Variants in TDRD3 observed in about 807,000 individuals in gnomAD.
The protein encoded by TDRD3 is tudor domain-containing protein 3.
Under a neutral mutation model 86.7 loss-of-function variants are expected in TDRD3, and 45 were observed. The observed-to-expected ratio is 0.52, with a 90% CI of 0.41 to 0.67. The LOEUF (loss-of-function observed/expected upper bound fraction) is 0.67. Ranked by LOEUF, TDRD3 falls within the 30% of genes least tolerant of loss-of-function variation. The pLI is 0.00. For synonymous variants in TDRD3, 298 were observed against 301.7 expected, an observed-to-expected ratio of 0.99 and a Z score of 0.13; for missense variants, 814 against 889.0, an observed-to-expected ratio of 0.92 and a Z score of 1.07.
intron 11 of TDRD3, among the ~76,000 whole-genome samples, chr13:60,530,560 C>T (rs1480611695): frequency 6.6e-6 from 1 of 151,898 alleles, no homozygotes; most frequent in African/African-American, 2.4e-5. Context: ...CCTGCCTCAG[C>T]CTCCTGAGTA....
At chr13:60,530,822 G>A (rs527398329) in intron 11 of TDRD3, among the ~76,000 whole-genome samples, 44 of 152,202 alleles carry the variant, frequency 2.9e-4, no homozygotes, top group African/African-American at 1.0e-3. Flanking sequence ...TGTGGCTAAA[G>A]GGAATGGTGT....
chr13:60,410,192 C>T (rs1315232985), intron 1 of TDRD3, among the ~76,000 whole-genome samples: 2 of 152,074 alleles, frequency 1.3e-5, no homozygotes, highest in Admixed American at 6.5e-5. Context: ...TCTTTTTCTT[C>T]CTAGTCTTGG....
At chr13:60,493,375 A>G (rs1595016479) in intron 7 of TDRD3, among the ~76,000 whole-genome samples, 1 of 152,102 alleles carries the variant, frequency 6.6e-6, no homozygotes, top group Admixed American at 6.5e-5. Flanking sequence ...AACTATAAAA[A>G]TATTTGCCAG....
chr13:60,410,388 A>G (rs941521187), intron 1 of TDRD3, among the ~76,000 whole-genome samples: 8 of 152,222 alleles, frequency 5.3e-5, no homozygotes, highest in African/African-American at 1.9e-4. Context: ...TCTGCTAAAC[A>G]GAGTTTACTC....
intron 1 of TDRD3, among the ~76,000 whole-genome samples, chr13:60,425,619 G>A (rs1056149145): frequency 6.6e-6 from 1 of 152,002 alleles, no homozygotes; most frequent in Non-Finnish European, 1.5e-5. Context: ...AATGTCCATC[G>A]ATGGAAAAAT....
intron 6 of TDRD3, among the ~76,000 whole-genome samples, chr13:60,485,266 C>CA (rs1332372094): frequency 4.7e-5 from 7 of 150,380 alleles, no homozygotes; most frequent in Non-Finnish European, 3.0e-5. Context: ...GCAGTGATGC[C>CA]TTTTTTTTTA....
intron 12 of TDRD3, chr13:60,547,199 A>T (rs968187943): frequency 1.0e-6 from 1 of 978,404 alleles, no homozygotes; most frequent in South Asian, 4.7e-5. Context: ...AACCAAAAAA[A>T]ATCTCATGAC....
chr13:60,523,191 A>G (rs1055415270), intron 10 of TDRD3, among the ~76,000 whole-genome samples: 2 of 152,154 alleles, frequency 1.3e-5, no homozygotes, highest in Non-Finnish European at 1.5e-5. Context: ...TTGGGAAACA[A>G]ATTCTACCTG....
intron 3 of TDRD3, among the ~76,000 whole-genome samples, chr13:60,448,881 T>G (rs1024618562): frequency 2.6e-5 from 4 of 152,196 alleles, no homozygotes; most frequent in Non-Finnish European, 1.5e-5. Context: ...CAGATTAGTT[T>G]CAAAATACTT....
intron 12 of TDRD3, among the ~76,000 whole-genome samples, chr13:60,545,417 G>T (rs1263656726): frequency 6.6e-6 from 1 of 152,076 alleles, no homozygotes; most frequent in East Asian, 1.9e-4. Flanking sequence ...GGAAATTAGG[G>T]TCAACCCTCT....
chr13:60,542,265 G>A (rs1368862120), intron 12 of TDRD3, among the ~76,000 whole-genome samples: 1 of 152,098 alleles, frequency 6.6e-6, no homozygotes, highest in Non-Finnish European at 1.5e-5. Context: ...TAGAAGACTT[G>A]CTAATATACT....
At chr13:60,531,598 C>A (rs1234902267) in intron 11 of TDRD3, among the ~76,000 whole-genome samples, 1 of 152,106 alleles carries the variant, frequency 6.6e-6, no homozygotes, top group Non-Finnish European at 1.5e-5. Context: ...GTGACTCAGG[C>A]TTTCCATTGA....
At chr13:60,443,862 G>T (rs1159728493) in intron 2 of TDRD3, among the ~76,000 whole-genome samples, 2 of 151,846 alleles carry the variant, frequency 1.3e-5, no homozygotes, top group African/African-American at 4.8e-5. Flanking sequence ...CAACCATCAG[G>T]ATAATTTATT....
At chr13:60,467,215 T>C (rs770333331) in intron 4 of TDRD3, 23 bp from the exon 5 acceptor site, 12 of 1,611,756 alleles carry the variant, frequency 7.4e-6, no homozygotes, top group Admixed American at 3.4e-5. Context: ...AATATGTTTT[T>C]AACACTTTTC....
At chr13:60,516,333 A>G (rs1370121758) in intron 10 of TDRD3, among the ~76,000 whole-genome samples, 2 of 152,206 alleles carry the variant, frequency 1.3e-5, no homozygotes, top group Non-Finnish European at 2.9e-5. Context: ...TCTGATTTTT[A>G]AAAGTTTCAT....
At chr13:60,452,095 G>A (rs1955560774) in intron 3 of TDRD3, among the ~76,000 whole-genome samples, 1 of 152,102 alleles carries the variant, frequency 6.6e-6, no homozygotes, top group Non-Finnish European at 1.5e-5. Flanking sequence ...TAAAATCACT[G>A]AACCGGGAAT....
At chr13:60,501,874 G>A (rs1478192517) in intron 8 of TDRD3, among the ~76,000 whole-genome samples, 1 of 152,198 alleles carries the variant, frequency 6.6e-6, no homozygotes, top group African/African-American at 2.4e-5. Context: ...CAGACTCAGT[G>A]ATAGTAAAAT....
At chr13:60,489,752 A>G (rs1375083887) in intron 7 of TDRD3, among the ~76,000 whole-genome samples, 3 of 152,160 alleles carry the variant, frequency 2.0e-5, no homozygotes, top group African/African-American at 7.2e-5. Flanking sequence ...CAGTTTTACC[A>G]TTTCTTAAAT....
chr13:60,435,421 C>T (rs991576869), intron 1 of TDRD3, among the ~76,000 whole-genome samples: 1 of 152,094 alleles, frequency 6.6e-6, no homozygotes, highest in Non-Finnish European at 1.5e-5. Context: ...TCACCCTCTC[C>T]AAACCTACCC....
Sources: gnomAD v4.1 joint callset for allele counts (sites outside exome capture counted in the v4.1 genomes callset) on GRCh38, gnomAD v4.1.1 for gene constraint, MANE v1.5 for transcripts, NCBI Gene and HGNC (gene_info 2026-07-23, HGNC 2026-07-21) for gene names.